The following ITIH2 variants were observed in gnomAD, a reference collection of about 807,000 sequenced individuals.
ITIH2 encodes inter-alpha-trypsin inhibitor heavy chain H2.
A neutral mutation model predicts 104.4 loss-of-function variants in ITIH2; 103 were observed. That is an observed-to-expected ratio of 0.99 (90% CI 0.84 to 1.16). ITIH2 has a LOEUF of 1.16. ITIH2 is among the 50% of genes most tolerant of loss of function. The pLI is 0.00. For missense variants in ITIH2, 1,108 were observed against 1,162.4 expected (o/e 0.95, Z 0.68); for synonymous variants, 436 against 435.4 (o/e 1.00, Z -0.02).
intron 13 of ITIH2, 81 bp from the exon 14 acceptor site, chr10:7,732,257 C>A: frequency 7.0e-7 from 1 of 1,433,962 alleles, no homozygotes; most frequent in South Asian, 1.2e-5. Context: ...CCCATTCATT[C>A]GCAGCAGGTA....
chr10:7,711,444 C>T (rs959753059), intron 4 of ITIH2, among the ~76,000 whole-genome samples: 3 of 152,180 alleles, frequency 2.0e-5, no homozygotes, highest in Non-Finnish European at 4.4e-5. Flanking sequence ...GCTTAATTAT[C>T]ACAACTTAAA....
At chr10:7,744,659 C>A in intron 18 of ITIH2, 132 bp from the exon 19 acceptor site, 1 of 717,770 alleles carries the variant, frequency 1.4e-6, no homozygotes, top group Non-Finnish European at 2.3e-6. Context: ...TATCTATAAA[C>A]TGTTGCAAGC....
Position 7,744,782 on chromosome 10 carries a change from T to C in ITIH2, c.2409-9T>C, listed in dbSNP as rs201663618. The C allele has an allele frequency of 3.7e-6, 6 of 1,611,492 alleles. No homozygotes were observed. The Admixed American group carries it at 8.4e-5, about 22-fold the overall frequency. ...GAATGGTTTAATTCCTCTTGGACTT[T>C]CACACCAGGGTGCAGATCTCAGTGA... On this transcript the variant is annotated splice_polypyrimidine_tract_variant and intron_variant, in intron 18 of 20. Transcript: ENST00000358415.
At chr10:7,737,723 A>T (rs184283099) in intron 15 of ITIH2, among the ~76,000 whole-genome samples, 1,900 of 31,444 alleles carry the variant, frequency 0.06, 520 homozygotes, top group Middle Eastern at 0.17. Flanking sequence ...TATTCTATAT[A>T]ATATTCTATA....
chr10:7,727,390 G>A (rs1027850481), intron 10 of ITIH2, among the ~76,000 whole-genome samples: 4 of 152,164 alleles, frequency 2.6e-5, no homozygotes, highest in African/African-American at 2.4e-5. Context: ...AGCATAAAAT[G>A]TTACTATCTT....
At chr10:7,731,761 C>G (rs775018871) in intron 12 of ITIH2, 50 bp from the exon 13 acceptor site, 2 of 1,274,408 alleles carry the variant, frequency 1.6e-6, no homozygotes, top group Non-Finnish European at 2.2e-6. Context: ...TGCTTTAGAT[C>G]TACAAAGCAG....
rs76983422 is a variant in ITIH2, at chr10:7,705,192, G to C, written c.159+10G>C. On this transcript the variant is annotated intron_variant, in intron 2 of 20. Coordinates refer to ENST00000358415, the MANE Select transcript of ITIH2 (RefSeq NM_002216.3). ...GAACCGGAGATATCAGGTATAGTAA[G>C]GTTTACTCCCAAAAGGGGGAAAAAA... 0.033 allele frequency: 52,976 copies of C among 1,586,366 alleles called. 973 individuals are homozygous for C. The highest frequency in any genetic ancestry group is 0.056 in the Middle Eastern group (334 of 6,010).
At position 7,721,732 on chromosome 10, in the gene ITIH2, G is replaced by GAC; in HGVS notation, c.822_823insAC (p.Val275ThrfsTer6). On this transcript the variant is annotated frameshift_variant, in exon 8 of 21. Transcript: ENST00000358415. LOFTEE classifies it high-confidence loss of function. Reference sequence around the variant, plus strand: ...AGACTGCGGTAGATGGGGAACTGGTGGTGCTGTATGACGTGAAAAGAGAAG... The same window carrying GAC: ...AGACTGCGGTAGATGGGGAACTGGTGACGTGCTGTATGACGTGAAAAGAGAAG... 1 of 1,613,944 alleles carries GAC rather than the reference G, an allele frequency of 6.2e-7. No homozygotes were observed. The highest frequency in any genetic ancestry group is 8.5e-7 in the Non-Finnish European group (1 of 1,179,906).
At chr10:7,721,578 T>C (rs1053478064) in intron 7 of ITIH2, 71 bp from the exon 8 acceptor site, 7 of 1,439,164 alleles carry the variant, frequency 4.9e-6, no homozygotes, top group Non-Finnish European at 6.7e-6. Context: ...CCCTGTGTGC[T>C]GGAGAAGGGG....
At chr10:7,724,471 G>A (rs545262161) in intron 9 of ITIH2, among the ~76,000 whole-genome samples, 2 of 147,530 alleles carry the variant, frequency 1.4e-5, no homozygotes, top group African/African-American at 5.0e-5. Flanking sequence ...TCGGGAGGCT[G>A]AGGCAGGAGA....
rs778822121 is a variant in ITIH2 at position 7,730,057 on chromosome 10, T to C, written c.1385T>C (p.Leu462Ser). Residue 462 changes from leucine (L) to serine (S), a missense_variant, in exon 12 of 21, where the codon TTG (leucine) becomes TCG (serine). By Grantham distance (145) the Leu-to-Ser change is moderately radical. Transcript: ENST00000358415. ...GGATTTGATGTGGACTATGATTTTT[T>C]GAAGAGACTGTCCAATGAAAACCAT... The part of the protein sequence containing the change: ...GMGFDVDYDF[L>S]KRLSNENHGI... The C allele has an allele frequency of 3.1e-6, 5 of 1,613,424 alleles. No individual in the cohort carries two copies. The highest frequency in any genetic ancestry group is 1.7e-4 in the Middle Eastern group (1 of 6,060).
In ITIH2 at chr10:7,717,761, AC is replaced by A. The variant is rs750107060; in HGVS notation, c.605del (p.Pro202LeufsTer8). 6.2e-7 allele frequency: 1 copy of A among 1,611,616 alleles called. No individual in the cohort carries two copies. Among genetic ancestry groups the A allele is most frequent in the Non-Finnish European group, 8.5e-7 (1 of 1,179,164 alleles). On this transcript the variant is annotated frameshift_variant, in exon 6 of 21. Transcript: ENST00000358415. LOFTEE classifies it high-confidence loss of function. ...CCTATGAGCACAGGATCTATCTGCA[AC>A]CTGGACGGCTGGCCAAACACTTAGA... ...GSYEHRIYLQ[P>X]GRLAKHLEVD...
At position 7,721,002 on chromosome 10, in the gene ITIH2, C is replaced by T. The variant is rs374385991; in HGVS notation, c.738+39C>T. 1.2e-3 allele frequency: 1,459 copies of T among 1,243,432 alleles called. 3 individuals are homozygous for T. Among genetic ancestry groups the T allele is most frequent in the Non-Finnish European group, 1.5e-3 (1,260 of 843,052 alleles). 77.0% of individuals were successfully genotyped at this position (1,243,432 alleles called of 1,614,324 possible). ...TGTGTGTTGCCAGGCATTCACAGGG[C>T]CTCTGGATTGTGGGTTCTGTTCTCC... is the stretch of plus-strand genomic sequence containing the variant. On this transcript the variant is annotated intron_variant, in intron 7 of 20. Coordinates refer to ENST00000358415, the MANE Select transcript of ITIH2 (RefSeq NM_002216.3).
chr10:7,704,619 A>T (rs1209705661), intron 1 of ITIH2, among the ~76,000 whole-genome samples: 1 of 152,194 alleles, frequency 6.6e-6, no homozygotes, highest in Non-Finnish European at 1.5e-5. Flanking sequence ...CCCATGTCCA[A>T]CAAATGCGAA....
intron 5 of ITIH2, among the ~76,000 whole-genome samples, chr10:7,716,735 C>CAAAA (rs61703360): frequency 1.2e-4 from 7 of 58,748 alleles, no homozygotes; most frequent in Non-Finnish European, 2.0e-4. Context: ...GACCCCAGCT[C>CAAAA]AAAAAAAAAA....
At chr10:7,714,135 C>T (rs188230724) in intron 5 of ITIH2, among the ~76,000 whole-genome samples, 32 of 151,242 alleles carry the variant, frequency 2.1e-4, no homozygotes, top group Admixed American at 4.6e-4. Flanking sequence ...GGGATGTTCA[C>T]CTTCTCACTC....
At chr10:7,741,381 T>C (rs1215642669) in intron 16 of ITIH2, among the ~76,000 whole-genome samples, 2 of 152,012 alleles carry the variant, frequency 1.3e-5, no homozygotes, top group East Asian at 3.9e-4. Context: ...GGTTTCACTA[T>C]GCTGGCCAGG....
chr10:7,733,647 G>A (rs1835024622), intron 14 of ITIH2, among the ~76,000 whole-genome samples: 3 of 152,176 alleles, frequency 2.0e-5, no homozygotes, highest in Non-Finnish European at 4.4e-5. Flanking sequence ...TGACTTCTCA[G>A]CTGAGCTGCA....
chr10:7,711,140 C>G (rs546408906), intron 4 of ITIH2, among the ~76,000 whole-genome samples: 1 of 152,254 alleles, frequency 6.6e-6, no homozygotes, highest in East Asian at 1.9e-4. Context: ...CTCCCTGTGT[C>G]CATGTGTTCT....
Sources: gnomAD v4.1 joint callset for allele counts (sites outside exome capture counted in the v4.1 genomes callset) on GRCh38, gnomAD v4.1.1 for gene constraint, MANE v1.5 for transcripts, NCBI Gene and HGNC (gene_info 2026-07-23, HGNC 2026-07-21) for gene names.